The following NPRL3 variants were observed in gnomAD, a reference collection of about 807,000 sequenced individuals.
NPRL3 encodes the protein GATOR1 complex protein NPRL3.
A neutral mutation model predicts 57.2 loss-of-function variants in NPRL3; 23 were observed. That is an observed-to-expected ratio of 0.40 (90% CI 0.29 to 0.57). The LOEUF (loss-of-function observed/expected upper bound fraction) is 0.57. Ranked by LOEUF, NPRL3 falls within the 20% of genes least tolerant of loss-of-function variation. The pLI, the probability that NPRL3 is intolerant of heterozygous loss-of-function variation, is 0.42. For missense variants in NPRL3, 691 were observed against 767.1 expected, an observed-to-expected ratio of 0.90 and a Z score of 1.17; for synonymous variants, 333 against 321.1, an observed-to-expected ratio of 1.04 and a Z score of -0.39.
At chr16:100,351 C>G in intron 8 of NPRL3, 21 bp downstream of exon 8, 1 of 1,484,452 alleles carries the variant, frequency 6.7e-7, no homozygotes, top group Non-Finnish European at 9.0e-7. Context: ...AGGGAGTGAG[C>G]ACGTGGGGCT....
intron 3 of NPRL3, among the ~76,000 whole-genome samples, chr16:121,348 C>T (rs905938018): frequency 6.6e-6 from 1 of 152,182 alleles, no homozygotes; most frequent in Non-Finnish European, 1.5e-5. Flanking sequence ...CTGGGCCAGG[C>T]GTGGTGGCTC....
intron 2 of NPRL3, among the ~76,000 whole-genome samples, chr16:134,694 A>ATTATTATTTTTTTTTTTTTTT (rs1346965930): frequency 1.9e-5 from 2 of 103,426 alleles, no homozygotes; most frequent in African/African-American, 6.8e-5. Context: ...AATTATTATT[A>ATTATTATTTTTTTTTTTTTTT]TTTTTTTTTT....
At chr16:137,068 A>G (rs1267232697) in intron 2 of NPRL3, among the ~76,000 whole-genome samples, 1 of 27,434 alleles carries the variant, frequency 3.6e-5, no homozygotes, top group Admixed American at 4.7e-4. Flanking sequence ...AAAAAAAAAA[A>G]AAATTGCAGG....
intron 5 of NPRL3, among the ~76,000 whole-genome samples, chr16:114,202 G>A (rs919342739): frequency 5.9e-5 from 9 of 152,178 alleles, no homozygotes; most frequent in Non-Finnish European, 1.2e-4. Context: ...GGGCCCATAT[G>A]CTTGACCTTT....
At chr16:99,416 G>A (rs1463876097) in intron 8 of NPRL3, among the ~76,000 whole-genome samples, 4 of 152,022 alleles carry the variant, frequency 2.6e-5, no homozygotes, top group African/African-American at 7.2e-5. Flanking sequence ...AGGCCGAGGC[G>A]GGTGGATCAC....
In NPRL3 at chr16:88,794, G is replaced by A. The variant is rs1055200832; in HGVS notation, c.1448C>T (p.Thr483Met). ...SGDSPLNQRM[T>M]ENLLASLSEH... ...CGACAGGCTGGCCAGCAGGTTCTCC[G>A]TCATCCTCTGGTTCAGTGGCGAGTC... is the stretch of plus-strand genomic sequence containing the variant. The change falls in exon 13 of 14, where the codon ACG becomes ATG. Residue 483 changes from threonine to methionine, a missense_variant. Physicochemically the swap from Thr to Met is moderately conservative, Grantham distance 81. Coordinates refer to ENST00000611875, the MANE Select transcript of NPRL3 (RefSeq NM_001077350.3). 1.3e-5 allele frequency: 21 copies of A among 1,613,456 alleles called. 1 individual carries two copies. The highest frequency in any genetic ancestry group is 2.7e-5 in the African/African-American group (2 of 74,900).
intron 2 of NPRL3, among the ~76,000 whole-genome samples, chr16:137,139 G>A (rs953557441): frequency 6.6e-6 from 1 of 150,936 alleles, no homozygotes; most frequent in Non-Finnish European, 1.5e-5. Context: ...AGAATCCCTT[G>A]AGCCCGGGAG....
intron 8 of NPRL3, among the ~76,000 whole-genome samples, chr16:98,622 A>G (rs920093623): frequency 1.3e-5 from 2 of 152,216 alleles, no homozygotes; most frequent in Admixed American, 6.5e-5. Context: ...GATTTGAGAA[A>G]AGGGCAGTGG....
chr16:113,905 TACA>T (rs1490613146), intron 5 of NPRL3, among the ~76,000 whole-genome samples: 1 of 152,180 alleles, frequency 6.6e-6, no homozygotes, highest in Admixed American at 6.5e-5. Flanking sequence ...TGGATGGACT[TACA>T]ACAAGGCAGC....
intron 3 of NPRL3, 183 bp from the exon 4 acceptor site, chr16:119,438 A>C: frequency 1.6e-6 from 1 of 615,354 alleles, no homozygotes; most frequent in Middle Eastern, 3.1e-4. Context: ...TATGGATGTA[A>C]GATCACCAGA....
At chr16:99,182 AG>A (rs2141922356) in intron 8 of NPRL3, among the ~76,000 whole-genome samples, 1 of 152,350 alleles carries the variant, frequency 6.6e-6, no homozygotes. Context: ...TTGAAAGCAA[AG>A]AGCACGGACT....
chr16:126,695 C>T (rs1300157935), intron 3 of NPRL3, among the ~76,000 whole-genome samples: 10 of 152,038 alleles, frequency 6.6e-5, no homozygotes, highest in Admixed American at 5.2e-4. Context: ...TGGGGACACA[C>T]GGTACATTTA....
chr16:138,180 T>G lies in NPRL3; in HGVS notation c.88A>C (p.Arg30=), dbSNP rs542337990. The G allele has an allele frequency of 3.7e-6, 6 of 1,609,108 alleles. No homozygotes were observed. The African/African-American group carries it at 8.0e-5, about 21-fold the overall frequency. The part of the protein sequence containing the change: ...NKLLFRYPFQ[R]SQEHPASQTS... ...TGGGACGCCGGGTGCTCCTGGCTTCTCTGGAAGGGGTACCTGAACAGCAGC... is the reference window on the plus strand; with the variant it reads ...TGGGACGCCGGGTGCTCCTGGCTTCGCTGGAAGGGGTACCTGAACAGCAGC... Residue 30 remains arginine (R), a synonymous_variant, in exon 2 of 14, where the codon AGA becomes CGA. Coordinates refer to ENST00000611875, the MANE Select transcript of NPRL3 (RefSeq NM_001077350.3).
intron 8 of NPRL3, among the ~76,000 whole-genome samples, chr16:100,105 A>G (rs948978030): frequency 1.3e-5 from 2 of 152,000 alleles, no homozygotes; most frequent in African/African-American, 4.8e-5. Flanking sequence ...CCCCAAGGAC[A>G]CTCAGCCCCA....
In NPRL3 at chr16:138,035, A is replaced by G. The variant is rs1901191126; in HGVS notation, c.118+115T>C. 8 of 712,032 alleles carry G rather than the reference A, an allele frequency of 1.1e-5. No individual in the cohort carries two copies. The Admixed American group carries it at 2.2e-4, about 19-fold the overall frequency. 44.1% of individuals were successfully genotyped at this position (712,032 alleles called of 1,614,324 possible). A position where few individuals can be genotyped will look rare whatever the true frequency, so the allele number is the denominator to read the frequency against. ...TCTACTTTTCAAATACTCTACAACG[A>G]GCAGATCTCGAATGCCCAGCAAAAG... On this transcript the variant is annotated intron_variant, in intron 2 of 13. Coordinates refer to ENST00000611875, the MANE Select transcript of NPRL3 (RefSeq NM_001077350.3).
chr16:109,200 C>G (rs1317118070), intron 7 of NPRL3, among the ~76,000 whole-genome samples: 1 of 151,850 alleles, frequency 6.6e-6, no homozygotes, highest in Non-Finnish European at 1.5e-5. Flanking sequence ...CACTTCTGAC[C>G]TCAAGAAATC....
chr16:108,512 C>T (rs1001245587), intron 7 of NPRL3, among the ~76,000 whole-genome samples: 1 of 152,020 alleles, frequency 6.6e-6, no homozygotes, highest in Non-Finnish European at 1.5e-5. Flanking sequence ...CTTATAGATA[C>T]AGAGGCGCAC....
intron 3 of NPRL3, among the ~76,000 whole-genome samples, chr16:129,667 A>C (rs1900701140): frequency 6.6e-6 from 1 of 152,102 alleles, no homozygotes. Flanking sequence ...CAATCAATAA[A>C]ATTTTTTTAA....
intron 3 of NPRL3, among the ~76,000 whole-genome samples, chr16:129,115 A>C (rs775527674): frequency 6.6e-6 from 1 of 152,178 alleles, no homozygotes; most frequent in Non-Finnish European, 1.5e-5. Context: ...ATGTCATTAT[A>C]AGTCTGAAAA....
Sources: allele counts gnomAD v4.1 joint callset (sites outside exome capture counted in the v4.1 genomes callset), GRCh38; gene constraint gnomAD v4.1.1; transcripts MANE v1.5; gene names NCBI Gene and HGNC (gene_info 2026-07-23, HGNC 2026-07-21).